The following MTHFD1L variants were observed in gnomAD, a reference collection of about 807,000 sequenced individuals.
MTHFD1L encodes methylenetetrahydrofolate dehydrogenase (NADP+ dependent) 1 like.
In MTHFD1L, 81 loss-of-function variants were observed where a neutral mutation model predicts 119.5. That is an observed-to-expected ratio of 0.68 (90% CI 0.57 to 0.82). The LOEUF (loss-of-function observed/expected upper bound fraction) is 0.82. Ranked by LOEUF, MTHFD1L falls within the 40% of genes least tolerant of loss-of-function variation. MTHFD1L has a pLI of 0.00. For missense variants in MTHFD1L, 1,125 were observed against 1,253.4 expected (o/e 0.90, Z 1.55); for synonymous variants, 430 against 475.2 (o/e 0.90, Z 1.24).
chr6:151,002,895 C>CG (rs1268983266), intron 20 of MTHFD1L, among the ~76,000 whole-genome samples: 1 of 152,080 alleles, frequency 6.6e-6, no homozygotes, highest in African/African-American at 2.4e-5. Context: ...TCCTTGTTGG[C>CG]GGGGGGAGGG....
intron 17 of MTHFD1L, among the ~76,000 whole-genome samples, chr6:150,956,489 G>A (rs1432914487): frequency 6.6e-6 from 1 of 151,974 alleles, no homozygotes; most frequent in African/African-American, 2.4e-5. Flanking sequence ...AATAGCATGA[G>A]GATTTTTTAA....
chr6:150,977,572 A>G (rs114312852), intron 20 of MTHFD1L, among the ~76,000 whole-genome samples: 270 of 152,344 alleles, frequency 1.8e-3, no homozygotes, highest in African/African-American at 6.2e-3. Flanking sequence ...AAGCAAAAGG[A>G]AAGAAAGAAA....
intron 13 of MTHFD1L, among the ~76,000 whole-genome samples, chr6:150,942,308 C>G (rs1184550383): frequency 6.6e-6 from 1 of 152,162 alleles, no homozygotes; most frequent in African/African-American, 2.4e-5. Flanking sequence ...TACCATTTTA[C>G]TTGTCAAATT....
At chr6:150,974,174 G>T (rs1776205198) in intron 20 of MTHFD1L, among the ~76,000 whole-genome samples, 1 of 152,038 alleles carries the variant, frequency 6.6e-6, no homozygotes, top group Admixed American at 6.6e-5. Context: ...CTCTTCCTTG[G>T]TTTCCCTACC....
At chr6:150,877,893 GTC>G (rs1780721894) in intron 4 of MTHFD1L, 67 bp downstream of exon 4, 3 of 1,571,018 alleles carry the variant, frequency 1.9e-6, no homozygotes, top group Non-Finnish European at 2.6e-6. Flanking sequence ...GCCCATTGGC[GTC>G]TCTTAGTGGT....
Position 150,926,857 on chromosome 6 carries a change from G to A in MTHFD1L, c.1256+562G>A, listed in dbSNP as rs1693306313. On this transcript the variant is annotated intron_variant, in intron 11 of 27. Transcript: ENST00000367321. This position sits in a 1 kb window ranked among gnomAD's most constrained non-coding sequence, Gnocchi z 4.3. ...ATTCATAGTTTTTGTGAAAAGGAGT[G>A]TTTGCCTTTTTCCCCTTCTTTTTAA... Among the ~76,000 whole-genome samples the A allele has an allele frequency of 6.6e-6, 1 of 152,102 alleles. No homozygotes were observed.
chr6:151,052,412 C>G (rs1374314384), intron 26 of MTHFD1L, among the ~76,000 whole-genome samples: 1 of 152,160 alleles, frequency 6.6e-6, no homozygotes, highest in Non-Finnish European at 1.5e-5. Flanking sequence ...TGGCAGGAGG[C>G]AGACAAGCTG....
At chr6:150,873,283 C>G (rs1274999779) in intron 1 of MTHFD1L, among the ~76,000 whole-genome samples, 1 of 152,034 alleles carries the variant, frequency 6.6e-6, no homozygotes, top group Non-Finnish European at 1.5e-5. Flanking sequence ...CCACTGCCCT[C>G]CAGCCTGGAA....
intron 13 of MTHFD1L, among the ~76,000 whole-genome samples, chr6:150,943,337 C>A (rs1038834551): frequency 6.6e-6 from 1 of 151,858 alleles, no homozygotes; most frequent in Non-Finnish European, 1.5e-5. Flanking sequence ...GTGATATTAT[C>A]AAGATCCCAA....
intron 26 of MTHFD1L, among the ~76,000 whole-genome samples, chr6:151,081,120 C>A (rs1793113908): frequency 6.6e-6 from 1 of 152,190 alleles, no homozygotes; most frequent in African/African-American, 2.4e-5. Flanking sequence ...GAGCATTCAG[C>A]TGGTATCTGG....
intron 13 of MTHFD1L, 81 bp from the exon 14 acceptor site, chr6:150,944,404 TG>T: frequency 1.0e-6 from 1 of 973,206 alleles, no homozygotes; most frequent in South Asian, 1.4e-5. Context: ...GCTATGATCA[TG>T]CCACTGCACT....
intron 27 of MTHFD1L, among the ~76,000 whole-genome samples, chr6:151,095,500 A>G (rs944497961): frequency 6.6e-6 from 1 of 152,234 alleles, no homozygotes; most frequent in Non-Finnish European, 1.5e-5. Flanking sequence ...AAGTCCAATT[A>G]TACCTTAATC....
intron 11 of MTHFD1L, among the ~76,000 whole-genome samples, chr6:150,930,718 T>G (rs1238330575): frequency 6.6e-6 from 1 of 152,030 alleles, no homozygotes; most frequent in African/African-American, 2.4e-5. Context: ...ATATATTTGT[T>G]ATTACATATT....
At chr6:150,921,562 T>C (rs1395956520) in intron 9 of MTHFD1L, among the ~76,000 whole-genome samples, 1 of 152,158 alleles carries the variant, frequency 6.6e-6, no homozygotes, top group Non-Finnish European at 1.5e-5. Context: ...TATTTATTCA[T>C]TTATTTTTAA....
chr6:150,887,430 T>C (rs1782503483), intron 6 of MTHFD1L, among the ~76,000 whole-genome samples: 1 of 152,208 alleles, frequency 6.6e-6, no homozygotes, highest in South Asian at 2.1e-4. Context: ...CATTGTAGGT[T>C]GGTGCTGAGA....
intron 26 of MTHFD1L, among the ~76,000 whole-genome samples, chr6:151,064,589 A>G (rs1791015310): frequency 2.0e-5 from 3 of 152,154 alleles, no homozygotes; most frequent in Admixed American, 1.3e-4. Context: ...CTGGAATTAT[A>G]GGCATGAGCC....
chr6:151,046,473 A>ATG (rs1788069803), intron 26 of MTHFD1L, among the ~76,000 whole-genome samples: 3 of 6,044 alleles, frequency 5.0e-4, no homozygotes, highest in Non-Finnish European at 1.3e-3. Flanking sequence ...GTGTGTGTGT[A>ATG]TATATATATA....
rs1791526547 is a variant in MTHFD1L at position 151,068,051 on chromosome 6, A to T, written c.2848-24416A>T. Reference sequence around the variant, plus strand: ...CAGATTTATTCTCGGGCACTGGTACATGAAAGAGATGAGTAATGCCAAACA... The same window carrying T: ...CAGATTTATTCTCGGGCACTGGTACTTGAAAGAGATGAGTAATGCCAAACA... On this transcript the variant is annotated intron_variant, in intron 26 of 27. Coordinates refer to ENST00000367321, the MANE Select transcript of MTHFD1L (RefSeq NM_015440.5). Among the ~76,000 whole-genome samples the T allele has an allele frequency of 2.0e-5, 3 of 152,266 alleles. No homozygotes were observed. In the South Asian group the frequency reaches 6.2e-4, roughly 31 times the overall value.
intron 14 of MTHFD1L, among the ~76,000 whole-genome samples, chr6:150,945,211 G>A (rs1421300652): frequency 6.6e-6 from 1 of 152,304 alleles, no homozygotes; most frequent in East Asian, 1.9e-4. Context: ...TCTTCATATG[G>A]TAGTTGTAGC....
Sources: allele counts gnomAD v4.1 joint callset (sites outside exome capture counted in the v4.1 genomes callset), GRCh38; gene constraint gnomAD v4.1.1; non-coding constraint Gnocchi (gnomAD v3.1); transcripts MANE v1.5; gene names NCBI Gene and HGNC (gene_info 2026-07-23, HGNC 2026-07-21).